The following RIMKLB variants were observed in gnomAD, a reference collection of about 807,000 sequenced individuals.
The protein encoded by RIMKLB is beta-citrylglutamate synthase B.
A neutral mutation model predicts 32.0 loss-of-function variants in RIMKLB; 7 were observed. The observed-to-expected ratio is 0.22, with a 90% CI of 0.12 to 0.41. The LOEUF (loss-of-function observed/expected upper bound fraction) is 0.41. Among genes scored for constraint, RIMKLB ranks in the 10% least tolerant of loss-of-function variants. The pLI is 1.00. For synonymous variants in RIMKLB, 172 were observed against 185.1 expected (o/e 0.93, Z 0.57); for missense variants, 289 against 498.7 (o/e 0.58, Z 4.00).
intron 2 of RIMKLB, among the ~76,000 whole-genome samples, chr12:8,744,967 G>A (rs1001075491): frequency 6.6e-6 from 1 of 151,984 alleles, no homozygotes; most frequent in Admixed American, 6.5e-5. Context: ...TTTACATTAG[G>A]TGTTTCTCCT....
intron 5 of RIMKLB, among the ~76,000 whole-genome samples, chr12:8,762,400 T>C (rs1354853800): frequency 6.6e-6 from 1 of 152,112 alleles, no homozygotes; most frequent in African/African-American, 2.4e-5. Flanking sequence ...CTAGGGTCCT[T>C]CTATAAGCAT....
intron 2 of RIMKLB, among the ~76,000 whole-genome samples, chr12:8,748,931 T>C (rs1023194182): frequency 6.6e-6 from 1 of 152,076 alleles, no homozygotes; most frequent in Non-Finnish European, 1.5e-5. Flanking sequence ...AGTGAGCCTT[T>C]GTCTCAAAAA....
chr12:8,719,141 T>C (rs1945183391), intron 2 of RIMKLB, among the ~76,000 whole-genome samples: 2 of 152,178 alleles, frequency 1.3e-5, no homozygotes, highest in African/African-American at 2.4e-5. Context: ...TAGAATGTTA[T>C]AGTTGGCACT....
In RIMKLB at chr12:8,728,787, GTT is replaced by G. The variant is rs869026984; in HGVS notation, c.175+14750_175+14751del. On this transcript the variant is annotated intron_variant, in intron 2 of 5. Transcript: ENST00000535829. Reference sequence around the variant, plus strand: ...ATTGTGTGTGTGTGTGTGTGTGTGTGTTTTTGTTTGTTTGTTTGTTTGTTTGT... The same window carrying G: ...ATTGTGTGTGTGTGTGTGTGTGTGTGTTTGTTTGTTTGTTTGTTTGTTTGT... Among the ~76,000 whole-genome samples, 166 of 142,168 alleles carry G rather than the reference GTT, an allele frequency of 1.2e-3. 1 individual carries two copies. Among genetic ancestry groups the G allele is most frequent in the Admixed American group, 1.8e-3 (27 of 14,796 alleles). 93.3% of individuals were successfully genotyped at this position (142,168 alleles called of 152,430 possible). A position where few individuals can be genotyped will look rare whatever the true frequency, so the allele number is the denominator to read the frequency against.
chr12:8,764,033 G>A (rs1468411203), intron 5 of RIMKLB, among the ~76,000 whole-genome samples: 2 of 152,114 alleles, frequency 1.3e-5, no homozygotes, highest in African/African-American at 2.4e-5. Flanking sequence ...GAGGGACAAC[G>A]GCCTCATTGA....
intron 1 of RIMKLB, among the ~76,000 whole-genome samples, chr12:8,689,262 C>G (rs866226019): frequency 2.0e-5 from 3 of 152,196 alleles, no homozygotes; most frequent in African/African-American, 4.8e-5. Flanking sequence ...AGATATTTAA[C>G]TTAGTCATGA....
At chr12:8,725,911 G>A (rs1565581661) in intron 2 of RIMKLB, among the ~76,000 whole-genome samples, 1 of 152,148 alleles carries the variant, frequency 6.6e-6, no homozygotes, top group South Asian at 2.1e-4. Flanking sequence ...GCAGTGGTGC[G>A]ATCTTGGTTC....
At chr12:8,770,818 A>G (rs1208849222) in intron 5 of RIMKLB, among the ~76,000 whole-genome samples, 5 of 152,192 alleles carry the variant, frequency 3.3e-5, no homozygotes, top group Non-Finnish European at 7.3e-5. Context: ...CACCCCCTTC[A>G]GACACCAGTT....
intron 1 of RIMKLB, among the ~76,000 whole-genome samples, chr12:8,683,093 A>AT (rs1477362912): frequency 1.7e-4 from 26 of 152,254 alleles, no homozygotes; most frequent in African/African-American, 5.8e-4. Context: ...CTGATAGGTC[A>AT]TTTCTTTTTA....
chr12:8,758,884 T>C (rs1303040715), intron 5 of RIMKLB, among the ~76,000 whole-genome samples: 4 of 152,216 alleles, frequency 2.6e-5, no homozygotes, highest in African/African-American at 9.6e-5. Flanking sequence ...TATGTATGAA[T>C]ACCAGTCTTT....
intron 2 of RIMKLB, among the ~76,000 whole-genome samples, chr12:8,747,398 T>C (rs1245800596): frequency 1.3e-5 from 2 of 152,194 alleles, no homozygotes; most frequent in Non-Finnish European, 2.9e-5. Context: ...CTCTTTTTTT[T>C]AAACACACAC....
At chr12:8,757,659 T>C (rs1949167389) in intron 5 of RIMKLB, among the ~76,000 whole-genome samples, 1 of 152,216 alleles carries the variant, frequency 6.6e-6, no homozygotes, top group Non-Finnish European at 1.5e-5. Context: ...TATAATGTAC[T>C]TTTAGTTCTT....
At chr12:8,715,610 A>T (rs1264042342) in intron 2 of RIMKLB, among the ~76,000 whole-genome samples, 14 of 152,118 alleles carry the variant, frequency 9.2e-5, no homozygotes. Context: ...TTCAGTATAT[A>T]CTGCCTGGGT....
intron 2 of RIMKLB, among the ~76,000 whole-genome samples, chr12:8,718,880 T>C (rs12316311): frequency 0.071 from 10,771 of 152,180 alleles, 1,238 homozygotes; most frequent in African/African-American, 0.24. Context: ...CACATCATCA[T>C]GCAAAGTCCA....
chr12:8,761,408 T>C (rs1949510133), intron 5 of RIMKLB, among the ~76,000 whole-genome samples: 1 of 152,178 alleles, frequency 6.6e-6, no homozygotes, highest in Non-Finnish European at 1.5e-5. Flanking sequence ...AGATCTTTTT[T>C]TGTTTCAGTT....
chr12:8,746,496 G>A (rs1948101995), intron 2 of RIMKLB, among the ~76,000 whole-genome samples: 1 of 151,016 alleles, frequency 6.6e-6, no homozygotes, highest in Non-Finnish European at 1.5e-5. Context: ...TACTTAGGAG[G>A]CTGAGGCAGG....
chr12:8,725,459 G>A (rs888926460), intron 2 of RIMKLB, among the ~76,000 whole-genome samples: 6 of 152,074 alleles, frequency 3.9e-5, no homozygotes, highest in African/African-American at 1.4e-4. Flanking sequence ...TGTGTTTGTA[G>A]TAGAGATGAG....
rs1947604157 is a variant in RIMKLB at position 8,742,073 on chromosome 12, T to C, written c.176-7789T>C. Reference sequence around the variant, plus strand: ...GCGCCACCATGCCCACCTAATTTTGTATTTATAGTAGAGATGGGGTTTCAC... The same window carrying C: ...GCGCCACCATGCCCACCTAATTTTGCATTTATAGTAGAGATGGGGTTTCAC... On this transcript the variant is annotated intron_variant, in intron 2 of 5. Transcript: ENST00000535829. Among the ~76,000 whole-genome samples, 3 of 151,410 alleles carry C rather than the reference T, an allele frequency of 2.0e-5. No individual in the cohort carries two copies. In the South Asian group the frequency reaches 6.2e-4, roughly 31 times the overall value.
At chr12:8,736,517 C>CTTTTTTTTTTTTTTTTTT (rs1157484475) in intron 2 of RIMKLB, among the ~76,000 whole-genome samples, 1 of 126,774 alleles carries the variant, frequency 7.9e-6, no homozygotes, top group African/African-American at 3.0e-5. Flanking sequence ...CATGTATTTC[C>CTTTTTTTTTTTTTTTTTT]TTTTTTTTTT....
Sources: gnomAD v4.1 joint callset for allele counts (sites outside exome capture counted in the v4.1 genomes callset) on GRCh38, gnomAD v4.1.1 for gene constraint, MANE v1.5 for transcripts, NCBI Gene and HGNC (gene_info 2026-07-23, HGNC 2026-07-21) for gene names.